Variants in ATP1B4 observed in about 807,000 individuals in gnomAD.
ATP1B4 encodes protein ATP1B4.
ATP1B4 carries 32 observed loss-of-function variants against 29.6 expected under a neutral mutation model. The ratio of observed to expected loss-of-function variants is 1.08; its 90% CI spans 0.82 to 1.45. ATP1B4 has a LOEUF of 1.45. ATP1B4 is among the 40% of genes most tolerant of loss of function. The probability of loss-of-function intolerance (pLI) is 0.00; values close to 1 mark genes in which losing one functional copy is unlikely to be tolerated. For synonymous variants in ATP1B4, 127 were observed against 102.1 expected, an observed-to-expected ratio of 1.24 and a Z score of -1.47; for missense variants, 323 against 276.2, an observed-to-expected ratio of 1.17 and a Z score of -1.20.
intron 4 of ATP1B4, among the ~76,000 whole-genome samples, chrX:120,373,508 T>C (rs1365327073): frequency 1.8e-5 from 2 of 112,002 alleles, no homozygotes; most frequent in Non-Finnish European, 3.8e-5. Context: ...TCCTCTGAAA[T>C]ACTGAGCTAC....
intron 2 of ATP1B4, among the ~76,000 whole-genome samples, chrX:120,367,276 C>T (rs1220119796): frequency 8.9e-6 from 1 of 111,947 alleles, no homozygotes; most frequent in African/African-American, 3.2e-5. Flanking sequence ...AGAAATGAGA[C>T]TCAAATCCCT....
chrX:120,374,129 G>A (rs2058328182), intron 4 of ATP1B4, among the ~76,000 whole-genome samples: 1 of 111,008 alleles, frequency 9.0e-6, no homozygotes, highest in Non-Finnish European at 1.9e-5. Flanking sequence ...CCAGCTGTGC[G>A]GGAGACTGGA....
In ATP1B4 at chrX:120,362,128, C is replaced by T. The variant is rs781333478; in HGVS notation, c.-41C>T. On this transcript the variant is annotated 5_prime_UTR_variant, in exon 1 of 8. Transcript: ENST00000218008. The stretch of plus-strand genomic sequence containing the variant: ...CAGCAGAAGCTCCAGAACTCTCACC[C>T]GATTGCCTGCCTCTGCTGCGTCTTT... 5 of 1,165,652 alleles carry T rather than the reference C, an allele frequency of 4.3e-6. No homozygotes were observed. In the South Asian group the frequency reaches 8.9e-5, roughly 21 times the overall value.
chrX:120,371,355 C>T (rs1049731990), intron 4 of ATP1B4, 145 bp downstream of exon 4: 2 of 466,757 alleles, frequency 4.3e-6, no homozygotes, highest in Non-Finnish European at 7.5e-6. Context: ...TCCCCCTTAG[C>T]ACCTGTAGCT....
chrX:120,378,841 A>C, intron 7 of ATP1B4, 68 bp downstream of exon 7: 2 of 976,235 alleles, frequency 2.0e-6, no homozygotes, highest in South Asian at 3.9e-5. Context: ...GCTGGCTGGG[A>C]TCTATGAGAA....
chrX:120,376,191 A>T (rs1259693843), intron 5 of ATP1B4, among the ~76,000 whole-genome samples, 189 bp from the exon 6 acceptor site: 1 of 111,522 alleles, frequency 9.0e-6, no homozygotes, highest in Non-Finnish European at 1.9e-5. Context: ...TACAACACGG[A>T]GTAAGCTGAG....
chrX:120,375,688 A>G, intron 5 of ATP1B4, 120 bp downstream of exon 5: 1 of 549,216 alleles, frequency 1.8e-6, no homozygotes, highest in Non-Finnish European at 2.9e-6. Context: ...TTTTTCTGAC[A>G]GTATCATAAA....
At chrX:120,372,484 G>T (rs1453435026) in intron 4 of ATP1B4, among the ~76,000 whole-genome samples, 2 of 109,922 alleles carry the variant, frequency 1.8e-5, no homozygotes, top group Non-Finnish European at 3.8e-5. Flanking sequence ...CTCAGAAAGG[G>T]GGAGTAGCTT....
At chrX:120,378,869 G>A in intron 7 of ATP1B4, 96 bp downstream of exon 7, 3 of 757,260 alleles carry the variant, frequency 4.0e-6, no homozygotes, top group South Asian at 4.6e-5. Flanking sequence ...GCAGGAGATA[G>A]TAGAGGGGTA....
chrX:120,376,301 G>A, intron 5 of ATP1B4, 79 bp from the exon 6 acceptor site: 3 of 911,283 alleles, frequency 3.3e-6, no homozygotes, highest in South Asian at 2.1e-5. Context: ...TGACTGGGAG[G>A]AAGGTTAGAA....
In ATP1B4 at chrX:120,370,833, A is replaced by G. The variant is rs1229256539; in HGVS notation, c.447A>G (p.Val149=). The stretch of plus-strand genomic sequence containing the variant: ...ATATACCAACCTTCACGGAGCGGGT[A>G]AAGCCTCCTGGTGAGTGTGCCCAGA... The part of the protein sequence containing the change: ...SPYIPTFTER[V]KPPGVMIRPF... Residue 149 remains valine, a synonymous_variant, in exon 3 of 8, where the codon GTA becomes GTG. Transcript: ENST00000218008. 1 of 1,208,808 alleles carries G rather than the reference A, an allele frequency of 8.3e-7. No individual in the cohort carries two copies. The highest frequency in any genetic ancestry group is 1.1e-6 in the Non-Finnish European group (1 of 894,784).
At chrX:120,363,915 A>G (rs755027929) in intron 1 of ATP1B4, among the ~76,000 whole-genome samples, 1 of 112,251 alleles carries the variant, frequency 8.9e-6, no homozygotes, top group Non-Finnish European at 1.9e-5. Context: ...GATTTAATTA[A>G]TGAGGATCTT....
chrX:120,373,661 A>T (rs933750300), intron 4 of ATP1B4, among the ~76,000 whole-genome samples: 4 of 112,273 alleles, frequency 3.6e-5, no homozygotes, highest in African/African-American at 9.7e-5. Flanking sequence ...CCTCACAAAT[A>T]GCCCTTTTAA....
At chrX:120,365,251 T>C (rs998997519) in intron 1 of ATP1B4, among the ~76,000 whole-genome samples, 9 of 112,149 alleles carry the variant, frequency 8.0e-5, no homozygotes, top group Non-Finnish European at 1.1e-4. Context: ...TGATGTGATA[T>C]TTTATATAGA....
At position 120,362,438 on chromosome X, in the gene ATP1B4, C is replaced by A. The variant is rs192779597; in HGVS notation, c.63+207C>A. ...TAAACTGCTGGATAAAAGGAGGAAG[C>A]CCCTCTTCCTGTGAAACAAAGATAA... is the stretch of plus-strand genomic sequence containing the variant. On this transcript the variant is annotated intron_variant, in intron 1 of 7. Coordinates refer to ENST00000218008, the MANE Select transcript of ATP1B4 (RefSeq NM_001142447.3). Among the ~76,000 whole-genome samples the A allele has an allele frequency of 1.2e-3, 132 of 111,421 alleles. 1 individual carries two copies. The highest frequency in any genetic ancestry group is 4.1e-3 in the African/African-American group (127 of 30,663).
intron 4 of ATP1B4, 129 bp from the exon 5 acceptor site, chrX:120,375,243 C>G (rs1200446606): frequency 3.6e-6 from 2 of 563,080 alleles, no homozygotes; most frequent in South Asian, 3.2e-5. Context: ...CACAGGTAGA[C>G]TGAGTGGGCT....
At chrX:120,374,845 GTA>G (rs1293869441) in intron 4 of ATP1B4, among the ~76,000 whole-genome samples, 3 of 50,058 alleles carry the variant, frequency 6.0e-5, no homozygotes, top group African/African-American at 7.5e-5. Flanking sequence ...ATATATAAGG[GTA>G]TATATATATT....
At position 120,382,475 on chromosome X, in the gene ATP1B4, TA is replaced by T. The variant is rs1337264712; in HGVS notation, c.*2842del. ...CTCAAGATTCAGTAGTAAAAGATAA[TA>T]GAATGTTAGATCTGGAAAGGATATT... On this transcript the variant is annotated 3_prime_UTR_variant, in exon 8 of 8. Coordinates refer to ENST00000218008, the MANE Select transcript of ATP1B4 (RefSeq NM_001142447.3). 1 of 112,031 alleles carries T rather than the reference TA, an allele frequency of 8.9e-6. No homozygotes were observed. The highest frequency in any genetic ancestry group is 1.9e-5 in the Non-Finnish European group (1 of 53,155). The allele number at this position is 112,031 out of a possible 1,213,427, so 9.2% of individuals were successfully genotyped here.
In ATP1B4 at chrX:120,362,825, C is replaced by T. The variant is rs138225617; in HGVS notation, c.63+594C>T. On this transcript the variant is annotated intron_variant, in intron 1 of 7. Transcript: ENST00000218008. ...AGTGACTTGCAAGTTAGTGGAGGAGCCAAAGTGAAAATGCAATATCCTCAC... is the reference window on the plus strand; with the variant it reads ...AGTGACTTGCAAGTTAGTGGAGGAGTCAAAGTGAAAATGCAATATCCTCAC... Among the ~76,000 whole-genome samples the T allele has an allele frequency of 7.3e-3, 819 of 111,887 alleles. 8 individuals carry two copies. Among genetic ancestry groups the T allele is most frequent in the African/African-American group, 0.026 (791 of 30,791 alleles).
Sources: allele counts gnomAD v4.1 joint callset (sites outside exome capture counted in the v4.1 genomes callset), GRCh38; gene constraint gnomAD v4.1.1; transcripts MANE v1.5; gene names NCBI Gene and HGNC (gene_info 2026-07-23, HGNC 2026-07-21).